Variants in SLC30A8 observed in about 807,000 individuals in gnomAD.
The protein encoded by SLC30A8 is solute carrier family 30 member 8.
SLC30A8 carries 27 observed loss-of-function variants against 36.9 expected under a neutral mutation model. That is an observed-to-expected ratio of 0.73 (90% confidence interval 0.54 to 1.01). SLC30A8 has a LOEUF of 1.01. Ranked by LOEUF, SLC30A8 falls within the 50% of genes least tolerant of loss-of-function variation. The pLI is 0.00. For synonymous variants in SLC30A8, 164 were observed against 172.4 expected (o/e 0.95, Z 0.38); for missense variants, 439 against 452.0 (o/e 0.97, Z 0.26).
Position 117,157,808 on chromosome 8 carries a change from T to C in SLC30A8, c.536T>C (p.Ile179Thr), listed in dbSNP as rs762742030. 1 of 1,614,120 alleles carries C rather than the reference T, an allele frequency of 6.2e-7. No individual in the cohort carries two copies. Among genetic ancestry groups the C allele is most frequent in the Admixed American group, 1.7e-5 (1 of 60,022 alleles). The change falls in exon 4 of 8, where the codon ATC (isoleucine) becomes ACC (threonine). Residue 179 changes from isoleucine to threonine, a missense_variant. Coordinates refer to ENST00000456015, the MANE Select transcript of SLC30A8 (RefSeq NM_173851.3). ...PDYQIQATVMIIVSSCAVAAN... is the reference protein window; with the variant it reads ...PDYQIQATVMTIVSSCAVAAN... ...TACCAGATCCAGGCGACTGTGATGA[T>C]CATCGTTTCCAGCTGCGCAGTGGCG...
At chr8:117,051,782 C>T (rs971257836) in intron 2 of SLC30A8, among the ~76,000 whole-genome samples, 5 of 151,790 alleles carry the variant, frequency 3.3e-5, no homozygotes, top group African/African-American at 1.2e-4. Context: ...CACTGCACTC[C>T]AGCCTGGGCG....
chr8:116,986,922 G>A lies in SLC30A8; in HGVS notation c.-266+35803G>A, dbSNP rs113825558. Among the ~76,000 whole-genome samples, 809 of 152,176 alleles carry A rather than the reference G, an allele frequency of 5.3e-3. 8 individuals are homozygous for A. The highest frequency in any genetic ancestry group is 0.018 in the African/African-American group (763 of 41,516). ...TTCTTCTTGCTTCACCACCTTTCAT[G>A]TTCTAAGAAGAAATGTAAATGTAAT... On this transcript the variant is annotated intron_variant, in intron 1 of 10. Coordinates refer to the SLC30A8 transcript ENST00000427715.
intron 3 of SLC30A8, among the ~76,000 whole-genome samples, chr8:117,155,379 C>A (rs1822425338): frequency 6.6e-6 from 1 of 152,146 alleles, no homozygotes; most frequent in Non-Finnish European, 1.5e-5. Flanking sequence ...TACCTGACAT[C>A]CACAGACTCA....
chr8:117,100,356 A>G (rs1485761389), intron 2 of SLC30A8, among the ~76,000 whole-genome samples: 1 of 152,200 alleles, frequency 6.6e-6, no homozygotes, highest in East Asian at 1.9e-4. Flanking sequence ...TACTTTCTCC[A>G]TAAAAGTATT....
At chr8:117,003,836 T>C (rs1816090291) in intron 1 of SLC30A8, among the ~76,000 whole-genome samples, 1 of 152,218 alleles carries the variant, frequency 6.6e-6, no homozygotes, top group African/African-American at 2.4e-5. Flanking sequence ...GTTTGTCATA[T>C]GGGCCAGAGG....
At chr8:117,139,663 G>A (rs1821551295) in intron 1 of SLC30A8, among the ~76,000 whole-genome samples, 1 of 151,990 alleles carries the variant, frequency 6.6e-6, no homozygotes, top group African/African-American at 2.4e-5. Context: ...CAAAATCTGG[G>A]TGTGATACCA....
chr8:116,969,226 C>T (rs756542859), intron 1 of SLC30A8, among the ~76,000 whole-genome samples: 33 of 151,908 alleles, frequency 2.2e-4, no homozygotes, highest in African/African-American at 6.3e-4. Flanking sequence ...GAGACCAGCC[C>T]GGCCAACATG....
At chr8:117,047,229 T>G (rs903346292) in intron 2 of SLC30A8, among the ~76,000 whole-genome samples, 2 of 152,118 alleles carry the variant, frequency 1.3e-5, no homozygotes, top group Non-Finnish European at 2.9e-5. Context: ...TCTCACGTAT[T>G]CTCTTATATA....
intron 1 of SLC30A8, among the ~76,000 whole-genome samples, chr8:116,959,870 TA>T (rs1199359528): frequency 2.0e-5 from 3 of 152,260 alleles, no homozygotes; most frequent in African/African-American, 7.2e-5. Context: ...CATGTGTTTA[TA>T]AACATTCTGG....
chr8:117,021,996 G>A (rs1348145441), intron 1 of SLC30A8, among the ~76,000 whole-genome samples: 1 of 151,794 alleles, frequency 6.6e-6, no homozygotes, highest in African/African-American at 2.4e-5. Context: ...AAATTGTTGT[G>A]CAAATGTAAA....
At chr8:117,022,341 C>G (rs1416642458) in intron 1 of SLC30A8, among the ~76,000 whole-genome samples, 1 of 152,130 alleles carries the variant, frequency 6.6e-6, no homozygotes, top group Non-Finnish European at 1.5e-5. Context: ...ACATTAGGAT[C>G]TTCCTTTTTT....
chr8:117,170,452 A>G (rs1823313745), intron 6 of SLC30A8, among the ~76,000 whole-genome samples: 1 of 152,188 alleles, frequency 6.6e-6, no homozygotes, highest in Non-Finnish European at 1.5e-5. Flanking sequence ...AGATGGTATT[A>G]TACAATGTTA....
chr8:117,122,190 T>C (rs1820720844), intron 2 of SLC30A8, among the ~76,000 whole-genome samples: 1 of 151,946 alleles, frequency 6.6e-6, no homozygotes, highest in South Asian at 2.1e-4. Context: ...AGACTTATTC[T>C]AATTGCTTTA....
At chr8:116,958,123 C>T (rs1814281857) in intron 1 of SLC30A8, among the ~76,000 whole-genome samples, 1 of 152,206 alleles carries the variant, frequency 6.6e-6, no homozygotes, top group African/African-American at 2.4e-5. Context: ...ACATTGTGCT[C>T]TCCCAAGCAG....
chr8:117,080,110 C>T (rs779634958), intron 2 of SLC30A8, among the ~76,000 whole-genome samples: 27 of 152,082 alleles, frequency 1.8e-4, no homozygotes, highest in Non-Finnish European at 3.4e-4. Flanking sequence ...TGATCTTAAC[C>T]ACCCTATCTT....
chr8:117,110,321 T>A (rs149034772), intron 2 of SLC30A8, among the ~76,000 whole-genome samples: 1 of 152,240 alleles, frequency 6.6e-6, no homozygotes, highest in Non-Finnish European at 1.5e-5. Context: ...TCTGTCACTT[T>A]GTCATTCTGA....
intron 2 of SLC30A8, among the ~76,000 whole-genome samples, chr8:117,071,912 C>G (rs1052546499): frequency 6.6e-6 from 1 of 151,708 alleles, no homozygotes; most frequent in Non-Finnish European, 1.5e-5. Flanking sequence ...TTGTTTTATT[C>G]TGTTCATCTC....
chr8:117,061,324 G>A (rs1818019771), intron 2 of SLC30A8, among the ~76,000 whole-genome samples: 1 of 152,210 alleles, frequency 6.6e-6, no homozygotes, highest in African/African-American at 2.4e-5. Flanking sequence ...GCACATACGT[G>A]CATGCATACA....
chr8:117,003,487 T>C (rs972583033), intron 1 of SLC30A8, among the ~76,000 whole-genome samples: 6 of 152,344 alleles, frequency 3.9e-5, no homozygotes, highest in Admixed American at 2.6e-4. Flanking sequence ...ATACCTATCA[T>C]GATTGTTATT....
Sources: gnomAD v4.1 joint callset for allele counts (sites outside exome capture counted in the v4.1 genomes callset) on GRCh38, gnomAD v4.1.1 for gene constraint, MANE v1.5 for transcripts, NCBI Gene and HGNC (gene_info 2026-07-23, HGNC 2026-07-21) for gene names.